UBXN4: variants seen among roughly 807,000 people sequenced by gnomAD.
The protein encoded by UBXN4 is UBX domain protein 4.
Under a neutral mutation model 66.2 loss-of-function variants are expected in UBXN4, and 35 were observed. The observed-to-expected ratio is 0.53, with a 90% CI of 0.40 to 0.70. UBXN4 has a LOEUF of 0.70. UBXN4 is among the 30% of genes least tolerant of loss of function. The pLI is 0.00. For missense variants in UBXN4, 533 were observed against 599.8 expected (o/e 0.89, Z 1.16); for synonymous variants, 203 against 204.5 (o/e 0.99, Z 0.06).
chr2:135,745,236 C>T (rs1389490521), intron 1 of UBXN4, among the ~76,000 whole-genome samples: 3 of 150,914 alleles, frequency 2.0e-5, no homozygotes, highest in East Asian at 2.0e-4. Context: ...TCTTGAGCTC[C>T]GGATTGTTCA....
Position 135,776,250 on chromosome 2 carries a change from A to C in UBXN4, c.952A>C (p.Thr318Pro), listed in dbSNP as rs1180726256. Residue 318 changes from threonine to proline, a missense_variant and splice_region_variant, in exon 10 of 13, where the codon ACT (threonine) becomes CCT (proline). Transcript: ENST00000272638. ...KRESYARERS[T>P]VARIQFRLPD... ...GACTTTAATTTTCTTTTTTCATAGC[A>C]CTGTTGCAAGAATTCAATTCCGTCT... The C allele has an allele frequency of 1.2e-6, 2 of 1,613,116 alleles. No homozygotes were observed. Among genetic ancestry groups the C allele is most frequent in the African/African-American group, 2.7e-5 (2 of 74,864 alleles).
rs781240790 is a variant in UBXN4, at chr2:135,780,176, T to C, written c.1186-7T>C. The C allele has an allele frequency of 3.1e-6, 5 of 1,613,876 alleles. No individual in the cohort carries two copies. Among genetic ancestry groups the C allele is most frequent in the East Asian group, 2.2e-5 (1 of 44,890 alleles). On this transcript the variant is annotated splice_polypyrimidine_tract_variant and splice_region_variant and intron_variant, in intron 11 of 12. Transcript: ENST00000272638. ...GTCTTTATCTAGGTTTGTTTATTAA[T>C]TTCTAGGCAGGAAGACCAACTGCAT...
chr2:135,776,126 A>C, intron 9 of UBXN4, 123 bp from the exon 10 acceptor site: 1 of 728,798 alleles, frequency 1.4e-6, no homozygotes, highest in Non-Finnish European at 2.2e-6. Flanking sequence ...AAACAAAAAG[A>C]TCTGATATGG....
chr2:135,750,835 CTTTTTTTTTTTTTTTT>C (rs1166056661), intron 2 of UBXN4, among the ~76,000 whole-genome samples: 62 of 77,462 alleles, frequency 8.0e-4, no homozygotes, highest in Non-Finnish European at 1.2e-3. Context: ...ATGTGTCTGG[CTTTTTTTTTTTTTTTT>C]TTTTTTTTTT....
At chr2:135,755,984 C>G (rs1371539059) in intron 5 of UBXN4, among the ~76,000 whole-genome samples, 3 of 152,112 alleles carry the variant, frequency 2.0e-5, no homozygotes, top group African/African-American at 7.2e-5. Context: ...TTTTATAAAT[C>G]TCTTACTAGC....
Position 135,772,475 on chromosome 2 carries a change from C to T in UBXN4, c.878C>T (p.Ala293Val). The part of the protein sequence containing the change: ...FAKTKEEVEA[A>V]KAAALLAKQA... ...AAGACAAAGGAAGAAGTAGAGGCTGCCAAAGCTGCTGCCTTGCTAGCAAAA... is the reference window on the plus strand; with the variant it reads ...AAGACAAAGGAAGAAGTAGAGGCTGTCAAAGCTGCTGCCTTGCTAGCAAAA... Residue 293 changes from alanine (A) to valine (V), a missense_variant, in exon 9 of 13, where the codon GCC becomes GTC. By Grantham distance (64) the Ala-to-Val change is moderately conservative (BLOSUM62 0). Coordinates refer to ENST00000272638, the MANE Select transcript of UBXN4 (RefSeq NM_014607.4). 6.2e-7 allele frequency: 1 copy of T among 1,614,010 alleles called. No individual in the cohort carries two copies. Among genetic ancestry groups the T allele is most frequent in the Non-Finnish European group, 8.5e-7 (1 of 1,179,968 alleles).
intron 6 of UBXN4, among the ~76,000 whole-genome samples, chr2:135,767,466 G>A (rs377557976): frequency 2.0e-5 from 3 of 152,076 alleles, no homozygotes; most frequent in Non-Finnish European, 4.4e-5. Context: ...ATCCTGAATC[G>A]AACACTGTAG....
At chr2:135,765,904 G>T (rs1000392589) in intron 6 of UBXN4, among the ~76,000 whole-genome samples, 1 of 151,990 alleles carries the variant, frequency 6.6e-6, no homozygotes, top group Non-Finnish European at 1.5e-5. Context: ...TGTAATCCCA[G>T]CACTTTGGGA....
intron 1 of UBXN4, among the ~76,000 whole-genome samples, chr2:135,744,675 C>T (rs1171223960): frequency 6.6e-6 from 1 of 152,098 alleles, no homozygotes; most frequent in Non-Finnish European, 1.5e-5. Flanking sequence ...CAACTCTTTG[C>T]TTCTGAGTTC....
chr2:135,761,791 C>G, intron 5 of UBXN4, 27 bp from the exon 6 acceptor site: 1 of 1,551,408 alleles, frequency 6.4e-7, no homozygotes, highest in Non-Finnish European at 8.7e-7. Flanking sequence ...ATGCAGTATT[C>G]TTATTTCTTT....
At chr2:135,766,629 A>C (rs567005263) in intron 6 of UBXN4, among the ~76,000 whole-genome samples, 3 of 152,236 alleles carry the variant, frequency 2.0e-5, no homozygotes, top group Non-Finnish European at 2.9e-5. Context: ...GATTCAGGTT[A>C]AACTCTGATA....
Position 135,770,726 on chromosome 2 carries a change from G to T in UBXN4, c.813G>T (p.Gln271His). ...DRAARERIKQ[Q>H]IALDRAERAA... ...CAGCTCGAGAACGTATAAAACAGCAGATTGCATTGGTAAGTCTTAAGTTTC... is the reference window on the plus strand; with the variant it reads ...CAGCTCGAGAACGTATAAAACAGCATATTGCATTGGTAAGTCTTAAGTTTC... The change falls in exon 8 of 13, where the codon CAG (glutamine) becomes CAT (histidine). Residue 271 changes from glutamine (Q) to histidine (H), a missense_variant. By Grantham distance (24) the Gln-to-His change is conservative. Around this residue, in one of 2 missense-constraint regions of UBXN4, gnomAD observed 529 missense variants for 580.1 expected, o/e 0.91. Coordinates refer to ENST00000272638, the MANE Select transcript of UBXN4 (RefSeq NM_014607.4). 1 of 1,518,112 alleles carries T rather than the reference G, an allele frequency of 6.6e-7. No homozygotes were observed. The highest frequency in any genetic ancestry group is 8.8e-7 in the Non-Finnish European group (1 of 1,140,968). 94.0% of individuals were successfully genotyped at this position (1,518,112 alleles called of 1,614,324 possible).
chr2:135,750,282 A>G (rs971203211), intron 2 of UBXN4, among the ~76,000 whole-genome samples: 1 of 152,188 alleles, frequency 6.6e-6, no homozygotes, highest in Non-Finnish European at 1.5e-5. Flanking sequence ...TGCTGAAAAC[A>G]TTAATTCATT....
Position 135,777,891 on chromosome 2 carries a change from C to A in UBXN4, c.1054-1057C>A, listed in dbSNP as rs570260904. Reference sequence around the variant, plus strand: ...GAGCAAGACTCCATCTCAAAAAAAACAACAGGCTGGGCGCAGTGGCTCACG... The same window carrying A: ...GAGCAAGACTCCATCTCAAAAAAAAAAACAGGCTGGGCGCAGTGGCTCACG... On this transcript the variant is annotated intron_variant, in intron 10 of 12. Transcript: ENST00000272638. 4.7e-5 allele frequency among the ~76,000 whole-genome samples: 7 copies of A among 149,172 alleles called. No individual in the cohort carries two copies. The East Asian group carries it at 1.4e-3, about 30-fold the overall frequency.
rs753887108 is a variant in UBXN4 at position 135,782,922 on chromosome 2, T to C, written c.*35T>C. Reference sequence around the variant, plus strand: ...TATAATATGTGCAATAATCATTGTTTCTCTTATGATTTAATTCAACTAAAA... The same window carrying C: ...TATAATATGTGCAATAATCATTGTTCCTCTTATGATTTAATTCAACTAAAA... On this transcript the variant is annotated 3_prime_UTR_variant, in exon 13 of 13. Transcript: ENST00000272638. 1.3e-6 allele frequency: 2 copies of C among 1,572,284 alleles called. No homozygotes were observed. The highest frequency in any genetic ancestry group is 1.7e-6 in the Non-Finnish European group (2 of 1,158,358).
chr2:135,761,023 T>C (rs2077312415), intron 5 of UBXN4, among the ~76,000 whole-genome samples: 1 of 152,236 alleles, frequency 6.6e-6, no homozygotes, highest in African/African-American at 2.4e-5. Flanking sequence ...ATTTTACTTG[T>C]ATTAACACGT....
rs370289723 is a variant in UBXN4 at position 135,779,097 on chromosome 2, C to G, written c.1185+18C>G. 19 of 1,555,184 alleles carry G rather than the reference C, an allele frequency of 1.2e-5. No homozygotes were observed. The highest frequency in any genetic ancestry group is 3.4e-4 in the Middle Eastern group (2 of 5,832). ...TGTTGCCAGTATGTATATACAGATG[C>G]ATTTTTTTCTCTTCTTATTGTTTTC... is the stretch of plus-strand genomic sequence containing the variant. On this transcript the variant is annotated intron_variant, in intron 11 of 12. Transcript: ENST00000272638.
intron 10 of UBXN4, among the ~76,000 whole-genome samples, chr2:135,777,955 A>G (rs1195551038): frequency 1.3e-5 from 2 of 151,582 alleles, no homozygotes; most frequent in African/African-American, 2.4e-5. Context: ...AGGTGGGTGG[A>G]TCACGAGGTC....
intron 9 of UBXN4, among the ~76,000 whole-genome samples, chr2:135,775,266 A>T (rs890675047): frequency 6.6e-6 from 1 of 152,250 alleles, no homozygotes; most frequent in African/African-American, 2.4e-5. Flanking sequence ...ACATAGTGTT[A>T]TCATAGGACC....
Sources: allele counts gnomAD v4.1 joint callset (sites outside exome capture counted in the v4.1 genomes callset), GRCh38; gene constraint gnomAD v4.1.1; regional missense constraint gnomAD v4.1.1; transcripts MANE v1.5; gene names NCBI Gene and HGNC (gene_info 2026-07-23, HGNC 2026-07-21).